Variants in SIX2 observed in about 807,000 individuals in gnomAD.
SIX2 encodes the protein homeobox protein SIX2.
A neutral mutation model predicts 22.8 loss-of-function variants in SIX2; 20 were observed. The ratio of observed to expected loss-of-function variants is 0.88; its 90% confidence interval spans 0.62 to 1.28. SIX2 has a LOEUF of 1.28. Among genes scored for constraint, SIX2 ranks in the 50% most tolerant of loss-of-function variants. The pLI is 0.00. For missense variants in SIX2, 360 were observed against 400.0 expected (o/e 0.90, Z 0.85); for synonymous variants, 195 against 186.4 (o/e 1.05, Z -0.37).
intron 1 of SIX2, among the ~76,000 whole-genome samples, chr2:45,008,236 C>T (rs1424105658): frequency 6.6e-6 from 1 of 152,276 alleles, no homozygotes; most frequent in African/African-American, 2.4e-5. Context: ...CCTACTGTGC[C>T]TGCCTCACAG....
In SIX2 at chr2:45,008,715, C is replaced by T; in HGVS notation, c.396G>A (p.Lys132=). The T allele has an allele frequency of 6.2e-7, 1 of 1,614,114 alleles. No homozygotes were observed. The highest frequency in any genetic ancestry group is 2.2e-5 in the East Asian group (1 of 44,872). ...CGCGCAGCACGCTGCGACTCTTTTC[C>T]TTGAAGCAGTAGCTGGTCTCCTCGC... ...WDGEETSYCF[K]EKSRSVLREW... is the part of the protein sequence containing the mutation. The change falls in exon 1 of 2, where the codon AAG becomes AAA. Residue 132 remains lysine (K), a synonymous_variant. Coordinates refer to ENST00000303077, the MANE Select transcript of SIX2 (RefSeq NM_016932.5).
At chr2:45,007,331 G>A (rs1667785735) in intron 1 of SIX2, among the ~76,000 whole-genome samples, 1 of 152,182 alleles carries the variant, frequency 6.6e-6, no homozygotes, top group East Asian at 1.9e-4. Flanking sequence ...GGGGGACCCA[G>A]CAGAGAGAAC....
At position 45,009,279 on chromosome 2, in the gene SIX2, G is replaced by A; in HGVS notation, c.-169C>T. 5 of 405,712 alleles carry A rather than the reference G, an allele frequency of 1.2e-5. No individual in the cohort carries two copies. The highest frequency in any genetic ancestry group is 1.9e-5 in the Non-Finnish European group (5 of 268,218). The allele number at this position is 405,712 out of a possible 1,614,324, so 25.1% of individuals were successfully genotyped here. A position where few individuals can be genotyped will look rare whatever the true frequency, so the allele number is the denominator to read the frequency against. The stretch of plus-strand genomic sequence containing the variant: ...AGTCACTGCCGTACGTCCCCGCGCC[G>A]GCCGCGGGTCCCACGAAGCTCCGAA... On this transcript the variant is annotated 5_prime_UTR_variant, in exon 1 of 2. Coordinates refer to ENST00000303077, the MANE Select transcript of SIX2 (RefSeq NM_016932.5).
At position 45,008,690 on chromosome 2, in the gene SIX2, C is replaced by T; in HGVS notation, c.421G>A (p.Glu141Lys). 1 of 1,614,082 alleles carries T rather than the reference C, an allele frequency of 6.2e-7. No homozygotes were observed. The highest frequency in any genetic ancestry group is 1.1e-5 in the South Asian group (1 of 91,088). The change falls in exon 1 of 2, where the codon GAG becomes AAG. Residue 141 changes from glutamate (E) to lysine (K), a missense_variant. This residue lies in a region of SIX2 where 235 missense variants were observed against 231.9 expected (regional missense o/e 1.01). Transcript: ENST00000303077. Reference sequence around the variant, plus strand: ...GGGTAGGGGTTGTGCGCGTACCACTCGCGCAGCACGCTGCGACTCTTTTCC... The same window carrying T: ...GGGTAGGGGTTGTGCGCGTACCACTTGCGCAGCACGCTGCGACTCTTTTCC... ...FKEKSRSVLR[E>K]WYAHNPYPSP...
intron 1 of SIX2, 37 bp downstream of exon 1, chr2:45,008,514 G>A (rs201872820): frequency 1.0e-4 from 161 of 1,602,810 alleles, no homozygotes; most frequent in Non-Finnish European, 1.3e-4. Flanking sequence ...CTTGGGCCCC[G>A]GGGAGCTGGC....
Position 45,006,554 on chromosome 2 carries a change from C to T in SIX2, c.561-69G>A. On this transcript the variant is annotated intron_variant, in intron 1 of 1. Coordinates refer to ENST00000303077, the MANE Select transcript of SIX2 (RefSeq NM_016932.5). The surrounding 1 kb of genome is among the most constrained non-coding windows in gnomAD (Gnocchi z 4.2). ...AGACCACCCAGCGCCATCTCAGTCA[C>T]AGTCAGAGCCAGCCACCAGCCTCGG... 1 of 1,443,010 alleles carries T rather than the reference C, an allele frequency of 6.9e-7. No individual in the cohort carries two copies. The highest frequency in any genetic ancestry group is 9.7e-7 in the Non-Finnish European group (1 of 1,036,130). The allele number at this position is 1,443,010 out of a possible 1,614,324, so 89.4% of individuals were successfully genotyped here.
Position 45,006,068 on chromosome 2 carries a change from C to A in SIX2, c.*102G>T. On this transcript the variant is annotated 3_prime_UTR_variant, in exon 2 of 2. Transcript: ENST00000303077. The surrounding 1 kb of genome is among the most constrained non-coding windows in gnomAD (Gnocchi z 4.2). ...CTACCCGCTCAGCCTGCGGGTCTTT[C>A]AGTACCTGGTGGGGCCGCAGGGGCG... is the stretch of plus-strand genomic sequence containing the variant. 1 of 1,274,004 alleles carries A rather than the reference C, an allele frequency of 7.8e-7. No individual in the cohort carries two copies. The highest frequency in any genetic ancestry group is 1.2e-5 in the South Asian group (1 of 84,102). 78.9% of individuals were successfully genotyped at this position (1,274,004 alleles called of 1,614,324 possible). A position where few individuals can be genotyped will look rare whatever the true frequency, so the allele number is the denominator to read the frequency against.
chr2:45,009,070 A>G lies in SIX2; in HGVS notation c.41T>C (p.Val14Ala), dbSNP rs768328129. 6.2e-7 allele frequency: 1 copy of G among 1,600,346 alleles called. No homozygotes were observed. Among genetic ancestry groups the G allele is most frequent in the Non-Finnish European group, 8.5e-7 (1 of 1,177,588 alleles). Residue 14 changes from valine to alanine, a missense_variant, in exon 1 of 2, where the codon GTG becomes GCG. Transcript: ENST00000303077. The stretch of plus-strand genomic sequence containing the variant: ...CTGCAGCACCTCGCACACGCACGCC[A>G]CTTGCTCCTGCGTGAAGCCGAAGGT... ...LPTFGFTQEQ[V>A]ACVCEVLQQG...
rs1667808773 is a variant in SIX2 at position 45,008,476 on chromosome 2, G to A, written c.560+75C>T. 2.6e-6 allele frequency: 4 copies of A among 1,510,374 alleles called. No individual in the cohort carries two copies. The South Asian group carries it at 3.4e-5, about 13-fold the overall frequency. 93.6% of individuals were successfully genotyped at this position (1,510,374 alleles called of 1,614,324 possible). ...GGGCCCAGTTTAGGCCTCTCCGGGGGACCGGCAGAAGCCCTGCGAACCCCT... is the reference window on the plus strand; with the variant it reads ...GGGCCCAGTTTAGGCCTCTCCGGGGAACCGGCAGAAGCCCTGCGAACCCCT... On this transcript the variant is annotated intron_variant, in intron 1 of 1. Transcript: ENST00000303077.
rs748929534 is a variant in SIX2, at chr2:45,009,069, C to G, written c.42G>C (p.Val14=). 6.2e-7 allele frequency: 1 copy of G among 1,600,974 alleles called. No homozygotes were observed. The highest frequency in any genetic ancestry group is 1.1e-5 in the South Asian group (1 of 90,500). Residue 14 remains valine, a synonymous_variant, in exon 1 of 2, where the codon GTG becomes GTC. Transcript: ENST00000303077. ...LPTFGFTQEQ[V]ACVCEVLQQG... is the part of the protein sequence containing the mutation. The stretch of plus-strand genomic sequence containing the variant: ...GCTGCAGCACCTCGCACACGCACGC[C>G]ACTTGCTCCTGCGTGAAGCCGAAGG...
Position 45,006,436 on chromosome 2 carries a change from T to TTCA in SIX2, c.609_610insTGA (p.Gly203_Ser204insTer). Reference sequence around the variant, plus strand: ...GAGCTGCCTAACACCGACTTGCCGCTGCCATTCAGCGGGTTGTGGCTGTTA... The same window carrying TTCA: ...GAGCTGCCTAACACCGACTTGCCGCTTCAGCCATTCAGCGGGTTGTGGCTGTTA... On this transcript the variant is annotated stop_gained and inframe_insertion, in exon 2 of 2. Coordinates refer to ENST00000303077, the MANE Select transcript of SIX2 (RefSeq NM_016932.5). LOFTEE classifies it high-confidence loss of function. The surrounding 1 kb of genome is among the most constrained non-coding windows in gnomAD (Gnocchi z 4.2). The TTCA allele has an allele frequency of 6.2e-7, 1 of 1,614,174 alleles. No individual in the cohort carries two copies. Among genetic ancestry groups the TTCA allele is most frequent in the Non-Finnish European group, 8.5e-7 (1 of 1,180,030 alleles).
rs1667769745 is a variant in SIX2, at chr2:45,006,553, A to G, written c.561-68T>C. On this transcript the variant is annotated intron_variant, in intron 1 of 1. Coordinates refer to ENST00000303077, the MANE Select transcript of SIX2 (RefSeq NM_016932.5). The surrounding 1 kb of genome is among the most constrained non-coding windows in gnomAD (Gnocchi z 4.2). ...GAGACCACCCAGCGCCATCTCAGTC[A>G]CAGTCAGAGCCAGCCACCAGCCTCG... The G allele has an allele frequency of 6.8e-7, 1 of 1,480,996 alleles. No homozygotes were observed. Among genetic ancestry groups the G allele is most frequent in the Non-Finnish European group, 9.3e-7 (1 of 1,070,344 alleles). 91.7% of individuals were successfully genotyped at this position (1,480,996 alleles called of 1,614,324 possible). A position where few individuals can be genotyped will look rare whatever the true frequency, so the allele number is the denominator to read the frequency against.
Position 45,006,316 on chromosome 2 carries a change from G to GC in SIX2, c.729dup (p.His244AlafsTer89), listed in dbSNP as rs1423461915. ...GGGCCCGGAGGGTGGCCCAGGCTGT[G>GC]CAGGGACGGCAGCCCAGGGGGCGGC... On this transcript the variant is annotated frameshift_variant, in exon 2 of 2. Transcript: ENST00000303077. LOFTEE classifies it high-confidence loss of function. The surrounding 1 kb of genome is among the most constrained non-coding windows in gnomAD (Gnocchi z 4.2). 37 of 1,613,944 alleles carry GC rather than the reference G, an allele frequency of 2.3e-5. No individual in the cohort carries two copies. The highest frequency in any genetic ancestry group is 5.0e-5 in the Admixed American group (3 of 60,024).
rs1572648669 is a variant in SIX2, at chr2:45,006,612, T to G, written c.561-127A>C. 3.2e-6 allele frequency: 3 copies of G among 923,788 alleles called. No homozygotes were observed. Among genetic ancestry groups the G allele is most frequent in the East Asian group, 4.9e-5 (2 of 40,890 alleles). The allele number at this position is 923,788 out of a possible 1,614,324, so 57.2% of individuals were successfully genotyped here. On this transcript the variant is annotated intron_variant, in intron 1 of 1. Coordinates refer to ENST00000303077, the MANE Select transcript of SIX2 (RefSeq NM_016932.5). This position sits in a 1 kb window ranked among gnomAD's most constrained non-coding sequence, Gnocchi z 4.2. ...ATCCCGGGCTTGTGGCCTGCGGGTG[T>G]TTTCGGTTTCTACCATTTCCTCGAC...
chr2:45,009,406 G>T lies in SIX2; in HGVS notation c.-296C>A, dbSNP rs978637307. 5 of 164,102 alleles carry T rather than the reference G, an allele frequency of 3.0e-5. No homozygotes were observed. The highest frequency in any genetic ancestry group is 6.4e-5 in the Admixed American group (1 of 15,672). The allele number at this position is 164,102 out of a possible 1,614,324, so 10.2% of individuals were successfully genotyped here. A position where few individuals can be genotyped will look rare whatever the true frequency, so the allele number is the denominator to read the frequency against. ...GCGCCCGCCCGCCGTTCCCTCGCTC[G>T]CTTCTCACTCGTTCTCCCTCCCGTC... On this transcript the variant is annotated 5_prime_UTR_variant, in exon 1 of 2. Transcript: ENST00000303077.
chr2:45,005,980 C>G lies in SIX2; in HGVS notation c.*190G>C, dbSNP rs900799435. 2 of 692,926 alleles carry G rather than the reference C, an allele frequency of 2.9e-6. No homozygotes were observed. Among genetic ancestry groups the G allele is most frequent in the East Asian group, 2.7e-5 (1 of 36,954 alleles). 42.9% of individuals were successfully genotyped at this position (692,926 alleles called of 1,614,324 possible). ...AGCCCCAAAAGGATCCTAAAAGTAA[C>G]TTGTTGAAAATAAATCCCAAACAAG... On this transcript the variant is annotated 3_prime_UTR_variant, in exon 2 of 2. Transcript: ENST00000303077.
In SIX2 at chr2:45,006,737, C is replaced by G. The variant is rs1033984816; in HGVS notation, c.561-252G>C. ...CGTCCCCACCTCTCATGCTGTCAAT[C>G]TCATCAATATCTTTTCTATATTTCC... On this transcript the variant is annotated intron_variant, in intron 1 of 1. Coordinates refer to ENST00000303077, the MANE Select transcript of SIX2 (RefSeq NM_016932.5). This position sits in a 1 kb window ranked among gnomAD's most constrained non-coding sequence, Gnocchi z 4.2. Among the ~76,000 whole-genome samples, 1 of 152,182 alleles carries G rather than the reference C, an allele frequency of 6.6e-6. No individual in the cohort carries two copies. The highest frequency in any genetic ancestry group is 1.5e-5 in the Non-Finnish European group (1 of 68,032).
Position 45,006,361 on chromosome 2 carries a change from G to C in SIX2, c.685C>G (p.Pro229Ala). The stretch of plus-strand genomic sequence containing the variant: ...GGCGGCGGGCTGAGGAGCAGTGCGG[G>C]GCTGGATGATGAGTGGTCTGGCGTC... ...SGTPDHSSSSPALLLSPPPPG... is the reference protein window; with the variant it reads ...SGTPDHSSSSAALLLSPPPPG... The change falls in exon 2 of 2, where the codon CCC (proline) becomes GCC (alanine). Residue 229 changes from proline to alanine, a missense_variant. Around this residue, in one of 3 missense-constraint regions of SIX2, gnomAD observed 235 missense variants for 231.9 expected, o/e 1.01. Coordinates refer to ENST00000303077, the MANE Select transcript of SIX2 (RefSeq NM_016932.5). This position sits in a 1 kb window ranked among gnomAD's most constrained non-coding sequence, Gnocchi z 4.2. 6.2e-7 allele frequency: 1 copy of C among 1,614,208 alleles called. No individual in the cohort carries two copies. The highest frequency in any genetic ancestry group is 8.5e-7 in the Non-Finnish European group (1 of 1,180,028).
intron 1 of SIX2, 50 bp downstream of exon 1, chr2:45,008,501 T>C: frequency 6.3e-7 from 1 of 1,589,682 alleles, no homozygotes; most frequent in Non-Finnish European, 8.6e-7. Context: ...TGCGAACCCC[T>C]CCCTTGGGCC....
Sources: allele counts gnomAD v4.1 joint callset (sites outside exome capture counted in the v4.1 genomes callset), GRCh38; gene constraint gnomAD v4.1.1; regional missense constraint gnomAD v4.1.1; non-coding constraint Gnocchi (gnomAD v3.1); transcripts MANE v1.5; gene names NCBI Gene and HGNC (gene_info 2026-07-23, HGNC 2026-07-21).